P2RY8: variants seen among roughly 807,000 people sequenced by gnomAD.
P2RY8 encodes the protein S-geranylgeranyl-glutathione receptor P2RY8.
Under a neutral mutation model 10.0 loss-of-function variants are expected in P2RY8, and 6 were observed. That is an observed-to-expected ratio of 0.60 (90% CI 0.33 to 1.19). The LOEUF is 1.19. Ranked by LOEUF, P2RY8 falls within the 50% of genes most tolerant of loss-of-function variation. The pLI, the probability that P2RY8 is intolerant of heterozygous loss-of-function variation, is 0.04. For synonymous variants in P2RY8, 276 were observed against 252.5 expected, an observed-to-expected ratio of 1.09 and a Z score of -0.88; for missense variants, 456 against 542.0, an observed-to-expected ratio of 0.84 and a Z score of 1.58.
intron 1 of P2RY8, among the ~76,000 whole-genome samples, chrX:1,484,967 C>T (rs1374333759): frequency 1.4e-5 from 2 of 144,416 alleles, no homozygotes; most frequent in African/African-American, 5.1e-5. Context: ...CATCTGATTC[C>T]TTAATGATGT....
intron 1 of P2RY8, among the ~76,000 whole-genome samples, chrX:1,530,693 A>G (rs1245859247): frequency 2.7e-5 from 4 of 150,846 alleles, no homozygotes; most frequent in African/African-American, 9.7e-5. Context: ...TAATCTATGC[A>G]TCTATATATC....
chrX:1,513,560 G>C (rs1277858782), intron 1 of P2RY8, among the ~76,000 whole-genome samples: 2 of 143,748 alleles, frequency 1.4e-5, no homozygotes, highest in Non-Finnish European at 3.1e-5. Context: ...CTCTTACAAG[G>C]ACAGCTGTCA....
chrX:1,483,140 C>G (rs1175046057), intron 1 of P2RY8, among the ~76,000 whole-genome samples: 1 of 152,124 alleles, frequency 6.6e-6, no homozygotes, highest in African/African-American at 2.4e-5. Flanking sequence ...GATCGTTGCT[C>G]AGTGTGAGTT....
At chrX:1,492,590 C>T (rs1169928227) in intron 1 of P2RY8, among the ~76,000 whole-genome samples, 12 of 152,144 alleles carry the variant, frequency 7.9e-5, no homozygotes, top group African/African-American at 2.9e-4. Flanking sequence ...GCTCCTGGAT[C>T]CAGCCATGCC....
In P2RY8 at chrX:1,462,854, A is replaced by G; in HGVS notation, c.*2625T>C. 1 of 232,924 alleles carries G rather than the reference A, an allele frequency of 4.3e-6. No individual in the cohort carries two copies. Among genetic ancestry groups the G allele is most frequent in the Non-Finnish European group, 8.5e-6 (1 of 117,904 alleles). 14.4% of individuals were successfully genotyped at this position (232,924 alleles called of 1,614,324 possible). A position where few individuals can be genotyped will look rare whatever the true frequency, so the allele number is the denominator to read the frequency against. On this transcript the variant is annotated 3_prime_UTR_variant, in exon 2 of 2. Transcript: ENST00000381297. ...GTGTGTGAGTCAATAGACCTGTGTT[A>G]TCTTTTCACTCAAAGCTCAACCAGT... is the stretch of plus-strand genomic sequence containing the variant.
intron 1 of P2RY8, among the ~76,000 whole-genome samples, chrX:1,471,532 C>G (rs2091787343): frequency 6.7e-6 from 1 of 149,460 alleles, no homozygotes; most frequent in Non-Finnish European, 1.5e-5. Flanking sequence ...GTCTCAAACT[C>G]CTGACCTCCC....
chrX:1,507,399 C>T (rs1160717026), intron 1 of P2RY8, among the ~76,000 whole-genome samples: 1 of 152,162 alleles, frequency 6.6e-6, no homozygotes, highest in East Asian at 1.9e-4. Context: ...TCAACCTCAT[C>T]TCTCGTTGGA....
At chrX:1,470,827 GT>G (rs1413532072) in intron 1 of P2RY8, among the ~76,000 whole-genome samples, 6 of 146,996 alleles carry the variant, frequency 4.1e-5, no homozygotes, top group Non-Finnish European at 9.0e-5. Context: ...GGACATTTTT[GT>G]TCTTTCTGAT....
intron 1 of P2RY8, among the ~76,000 whole-genome samples, chrX:1,533,396 T>A (rs1336113924): frequency 6.8e-6 from 1 of 146,522 alleles, no homozygotes; most frequent in Admixed American, 6.9e-5. Context: ...CATATATTTA[T>A]GTATTTTTTA....
At chrX:1,505,003 T>C (rs1345889180) in intron 1 of P2RY8, among the ~76,000 whole-genome samples, 1 of 151,724 alleles carries the variant, frequency 6.6e-6, no homozygotes, top group African/African-American at 2.4e-5. Flanking sequence ...CCGGGCGTGG[T>C]GGCAGGCGCC....
At chrX:1,521,944 CTTTTTTT>C (rs751056296) in intron 1 of P2RY8, among the ~76,000 whole-genome samples, 45 of 39,026 alleles carry the variant, frequency 1.2e-3, no homozygotes, top group Admixed American at 6.6e-3. Context: ...CTCTCGCTCT[CTTTTTTT>C]TTTTTTTTTT....
Position 1,463,926 on chromosome X carries a change from T to G in P2RY8, c.*1553A>C, listed in dbSNP as rs1463402875. 1 of 233,186 alleles carries G rather than the reference T, an allele frequency of 4.3e-6. No homozygotes were observed. The highest frequency in any genetic ancestry group is 2.2e-5 in the African/African-American group (1 of 45,352). 14.4% of individuals were successfully genotyped at this position (233,186 alleles called of 1,614,324 possible). ...CTTAATTACATTTGGAAAGACCCGA[T>G]TTTCAAACATGGTCCCATCCTGATG... On this transcript the variant is annotated 3_prime_UTR_variant, in exon 2 of 2. Coordinates refer to ENST00000381297, the MANE Select transcript of P2RY8 (RefSeq NM_178129.5).
intron 1 of P2RY8, among the ~76,000 whole-genome samples, chrX:1,496,707 C>G (rs750934254): frequency 6.7e-6 from 1 of 150,314 alleles, no homozygotes; most frequent in East Asian, 2.0e-4. Flanking sequence ...TTCTTTCTTT[C>G]TTTTTTGTGA....
intron 1 of P2RY8, among the ~76,000 whole-genome samples, chrX:1,524,873 T>C (rs866391063): frequency 1.2e-3 from 44 of 37,418 alleles, no homozygotes; most frequent in South Asian, 3.0e-3. Context: ...AACCATCCAC[T>C]CATCCATCCA....
Position 1,466,519 on chromosome X carries a change from G to A in P2RY8, c.40C>T (p.Leu14=). The change falls in exon 2 of 2, where the codon CTG becomes TTG. Residue 14 remains leucine, a synonymous_variant. Coordinates refer to ENST00000381297, the MANE Select transcript of P2RY8 (RefSeq NM_178129.5). ...PNSTGPDNAT[L]QMLRNPAIAV... Reference sequence around the variant, plus strand: ...ATCGCCGGGTTCCGCAGCATCTGCAGCGTCGCGTTGTCCGGGCCGGTGCTG... The same window carrying A: ...ATCGCCGGGTTCCGCAGCATCTGCAACGTCGCGTTGTCCGGGCCGGTGCTG... 6.2e-7 allele frequency: 1 copy of A among 1,609,960 alleles called. No individual in the cohort carries two copies. Among genetic ancestry groups the A allele is most frequent in the Non-Finnish European group, 8.5e-7 (1 of 1,179,484 alleles).
chrX:1,466,172 G>A lies in P2RY8; in HGVS notation c.387C>T (p.Leu129=). ...VERFLGVLYP[L]SSKRWRRRRY... is the part of the protein sequence containing the mutation. The stretch of plus-strand genomic sequence containing the variant: ...GACGGCGGCGCCAGCGCTTGGAGCT[G>A]AGCGGGTACAGGACCCCCAGGAAGC... Residue 129 remains leucine, a synonymous_variant, in exon 2 of 2, where the codon CTC becomes CTT. Coordinates refer to ENST00000381297, the MANE Select transcript of P2RY8 (RefSeq NM_178129.5). 2 of 1,612,378 alleles carry A rather than the reference G, an allele frequency of 1.2e-6. No individual in the cohort carries two copies. The highest frequency in any genetic ancestry group is 1.1e-5 in the South Asian group (1 of 90,932).
intron 1 of P2RY8, among the ~76,000 whole-genome samples, chrX:1,501,519 G>A (rs28425175): frequency 0.026 from 3,964 of 152,076 alleles, 58 homozygotes; most frequent in Middle Eastern, 0.048. Flanking sequence ...TCACCACCAT[G>A]GCTGGCTAAT....
At chrX:1,531,930 C>A (rs1234835559) in intron 1 of P2RY8, among the ~76,000 whole-genome samples, 1 of 152,014 alleles carries the variant, frequency 6.6e-6, no homozygotes, top group Non-Finnish European at 1.5e-5. Context: ...GTGGATGTGG[C>A]GAACAGGGAA....
chrX:1,523,737 C>A (rs1208562993), intron 1 of P2RY8, among the ~76,000 whole-genome samples: 2 of 152,146 alleles, frequency 1.3e-5, no homozygotes, highest in Admixed American at 6.6e-5. Context: ...GCCTGGAGTG[C>A]AGTGGCACGA....
Sources: allele counts gnomAD v4.1 joint callset (sites outside exome capture counted in the v4.1 genomes callset), GRCh38; gene constraint gnomAD v4.1.1; transcripts MANE v1.5; gene names NCBI Gene and HGNC (gene_info 2026-07-23, HGNC 2026-07-21).